Variants in ARMC9 observed in about 807,000 individuals in gnomAD.
The protein encoded by ARMC9 is lisH domain-containing protein ARMC9.
ARMC9 carries 94 observed loss-of-function variants against 107.0 expected under a neutral mutation model. That is an observed-to-expected ratio of 0.88 (90% confidence interval 0.74 to 1.04). ARMC9 has a LOEUF of 1.04. ARMC9 is among the 50% of genes least tolerant of loss of function. The pLI is 0.00. For missense variants in ARMC9, 942 were observed against 1,030.1 expected (o/e 0.91, Z 1.17); for synonymous variants, 380 against 396.9 (o/e 0.96, Z 0.51).
In ARMC9 at chr2:231,255,833, T is replaced by G. The variant is rs935372032; in HGVS notation, c.880-753T>G. On this transcript the variant is annotated intron_variant, in intron 9 of 24. Transcript: ENST00000611582. The surrounding 1 kb of genome is among the most constrained non-coding windows in gnomAD (Gnocchi z 4.7). ...TGGGCGGATCACGAGGTCAGGAGATTGAGACCATCCTGGCTAACACGGTGA... is the reference window on the plus strand; with the variant it reads ...TGGGCGGATCACGAGGTCAGGAGATGGAGACCATCCTGGCTAACACGGTGA... 7.2e-5 allele frequency among the ~76,000 whole-genome samples: 11 copies of G among 152,062 alleles called. No individual in the cohort carries two copies. Among genetic ancestry groups the G allele is most frequent in the Non-Finnish European group, 1.5e-4 (10 of 68,016 alleles).
chr2:231,217,787 T>C (rs1450357856), intron 5 of ARMC9, among the ~76,000 whole-genome samples: 1 of 152,066 alleles, frequency 6.6e-6, no homozygotes, highest in Non-Finnish European at 1.5e-5. Flanking sequence ...GCCTCCTGGG[T>C]TGAAGCGATT....
chr2:231,345,479 A>T (rs780650365), intron 21 of ARMC9, among the ~76,000 whole-genome samples: 6 of 152,198 alleles, frequency 3.9e-5, no homozygotes, highest in Non-Finnish European at 7.3e-5. Flanking sequence ...AAGACTCGAA[A>T]TCAATTTATT....
chr2:231,344,327 A>G (rs2044690715), intron 20 of ARMC9, among the ~76,000 whole-genome samples: 2 of 152,226 alleles, frequency 1.3e-5, no homozygotes, highest in Admixed American at 1.3e-4. Flanking sequence ...TGTCATTCTT[A>G]TAATAGTTGA....
intron 19 of ARMC9, among the ~76,000 whole-genome samples, chr2:231,307,021 C>G (rs1309035183): frequency 2.0e-5 from 3 of 152,224 alleles, no homozygotes; most frequent in South Asian, 4.1e-4. Flanking sequence ...AGTGCCTCTC[C>G]AGAGGGCTCC....
rs558877387 is a variant in ARMC9, at chr2:231,304,303, A to G, written c.1773+8050A>G. On this transcript the variant is annotated intron_variant, in intron 19 of 24. Coordinates refer to ENST00000611582, the MANE Select transcript of ARMC9 (RefSeq NM_001352754.2). The stretch of plus-strand genomic sequence containing the variant: ...TCTACTGGCATCCTGCCTGTTTCAT[A>G]TTTTCAATAGCTCTTTTACCCATGC... Among the ~76,000 whole-genome samples the G allele has an allele frequency of 1.3e-3, 199 of 152,218 alleles. 4 individuals are homozygous for G. The South Asian group carries it at 0.04, about 31-fold the overall frequency.
At chr2:231,365,697 C>T (rs976922874) in intron 23 of ARMC9, among the ~76,000 whole-genome samples, 3 of 152,046 alleles carry the variant, frequency 2.0e-5, no homozygotes, top group African/African-American at 7.3e-5. Context: ...CAGCCGCACA[C>T]ACAGCAGATA....
At chr2:231,336,638 T>C (rs16827953) in intron 20 of ARMC9, among the ~76,000 whole-genome samples, 8,516 of 152,306 alleles carry the variant, frequency 0.056, 351 homozygotes, top group African/African-American at 0.11. Flanking sequence ...CTTTCCACAC[T>C]TCCTTTCCCC....
intron 16 of ARMC9, among the ~76,000 whole-genome samples, chr2:231,279,147 G>A (rs573120480): frequency 6.6e-6 from 1 of 152,254 alleles, no homozygotes; most frequent in Non-Finnish European, 1.5e-5. Context: ...ATCAGTTTCA[G>A]GTCACTGAGT....
intron 19 of ARMC9, among the ~76,000 whole-genome samples, chr2:231,319,401 G>A (rs751852649): frequency 4.6e-5 from 7 of 152,074 alleles, no homozygotes; most frequent in Non-Finnish European, 8.8e-5. Context: ...TCTCTAAATG[G>A]GCTAAAACTA....
chr2:231,320,486 C>G (rs1017965704), intron 19 of ARMC9, among the ~76,000 whole-genome samples: 3 of 150,462 alleles, frequency 2.0e-5, no homozygotes, highest in Non-Finnish European at 4.4e-5. Context: ...TTTGTTTTTT[C>G]ATCTGTAAAA....
At chr2:231,302,154 A>G (rs2041772569) in intron 19 of ARMC9, among the ~76,000 whole-genome samples, 1 of 152,096 alleles carries the variant, frequency 6.6e-6, no homozygotes, top group Non-Finnish European at 1.5e-5. Context: ...AGAAAAACAT[A>G]TATGTTTATA....
rs1559368311 is a variant in ARMC9 at position 231,262,185 on chromosome 2, A to G, written c.1027-121A>G. On this transcript the variant is annotated intron_variant, in intron 11 of 24. Coordinates refer to ENST00000611582, the MANE Select transcript of ARMC9 (RefSeq NM_001352754.2). ...GCCACCACTCCCCAAGCTGGATATT[A>G]CTTATTTTGTTTGGTTAAATGTGTA... The G allele has an allele frequency of 3.3e-6, 3 of 915,908 alleles. No individual in the cohort carries two copies. In the African/African-American group the frequency reaches 4.9e-5, roughly 15 times the overall value. 56.7% of individuals were successfully genotyped at this position (915,908 alleles called of 1,614,324 possible). A position where few individuals can be genotyped will look rare whatever the true frequency, so the allele number is the denominator to read the frequency against.
chr2:231,276,210 T>C (rs2039734150), intron 14 of ARMC9, among the ~76,000 whole-genome samples: 1 of 152,174 alleles, frequency 6.6e-6, no homozygotes, highest in Admixed American at 6.5e-5. Context: ...ACAAAAATAT[T>C]CCTCAGAGTC....
intron 23 of ARMC9, among the ~76,000 whole-genome samples, chr2:231,368,371 T>A (rs184151226): frequency 3.3e-5 from 5 of 152,284 alleles, no homozygotes; most frequent in Non-Finnish European, 2.9e-5. Flanking sequence ...TCAGCACGCG[T>A]GAGCTTGATC....
intron 3 of ARMC9, 152 bp from the exon 4 acceptor site, chr2:231,214,679 G>T: frequency 2.6e-6 from 2 of 770,158 alleles, no homozygotes; most frequent in Non-Finnish European, 4.1e-6. Flanking sequence ...AGGAATCGCA[G>T]GCTCAGGAGC....
rs1004348527 is a variant in ARMC9, at chr2:231,358,610, GCCCCACCCAGAGACCCCGTGGAAAC to G, written c.2132-2136_2132-2112del. On this transcript the variant is annotated intron_variant, in intron 22 of 24. Transcript: ENST00000611582. This position sits in a 1 kb window ranked among gnomAD's most constrained non-coding sequence, Gnocchi z 4.5. ...AGTCTGGCCTGTGCTGGGAACTAAC[GCCCCACCCAGAGACCCCGTGGAAAC>G]CCCCACCTTCACGCTGAGTTTCTTG... Among the ~76,000 whole-genome samples the G allele has an allele frequency of 2.0e-5, 3 of 152,070 alleles. No individual in the cohort carries two copies. The highest frequency in any genetic ancestry group is 7.2e-5 in the African/African-American group (3 of 41,420).
At chr2:231,272,003 G>GA (rs1044821504) in intron 13 of ARMC9, among the ~76,000 whole-genome samples, 17 of 151,172 alleles carry the variant, frequency 1.1e-4, no homozygotes, top group African/African-American at 3.9e-4. Flanking sequence ...GGATTTCATG[G>GA]AAAAAAAAGG....
intron 19 of ARMC9, among the ~76,000 whole-genome samples, chr2:231,299,393 G>A (rs1303066023): frequency 6.6e-6 from 1 of 152,132 alleles, no homozygotes; most frequent in African/African-American, 2.4e-5. Flanking sequence ...ATTATAAACT[G>A]CAAGGGGGGA....
intron 1 of ARMC9, among the ~76,000 whole-genome samples, chr2:231,199,784 C>T (rs937454354): frequency 2.0e-5 from 3 of 152,118 alleles, no homozygotes; most frequent in Non-Finnish European, 2.9e-5. Flanking sequence ...CAACCTCCAC[C>T]TCCTGGGTTC....
Sources: gnomAD v4.1 joint callset for allele counts (sites outside exome capture counted in the v4.1 genomes callset) on GRCh38, gnomAD v4.1.1 for gene constraint, Gnocchi (gnomAD v3.1) non-coding constraint, MANE v1.5 for transcripts, NCBI Gene and HGNC (gene_info 2026-07-23, HGNC 2026-07-21) for gene names.